Variants in DOCK2 observed in about 807,000 individuals in gnomAD.
DOCK2 encodes dedicator of cytokinesis protein 2.
DOCK2 carries 87 observed loss-of-function variants against 248.9 expected under a neutral mutation model. That is an observed-to-expected ratio of 0.35 (90% CI 0.29 to 0.42). The LOEUF (loss-of-function observed/expected upper bound fraction) is 0.42, where lower values mean the gene tolerates loss of function less well. Ranked by LOEUF, DOCK2 falls within the 10% of genes least tolerant of loss-of-function variation. The pLI is 1.00. For missense variants in DOCK2, 1,747 were observed against 2,300.2 expected (o/e 0.76, Z 4.92); for synonymous variants, 805 against 821.6 (o/e 0.98, Z 0.35).
intron 2 of DOCK2, among the ~76,000 whole-genome samples, chr5:169,664,616 G>A (rs1580996791): frequency 6.6e-6 from 1 of 152,188 alleles, no homozygotes; most frequent in African/African-American, 2.4e-5. Context: ...AGGTGAAGGG[G>A]GAAGCAGGCA....
At chr5:169,748,998 G>C (rs1763762916) in intron 23 of DOCK2, among the ~76,000 whole-genome samples, 1 of 152,228 alleles carries the variant, frequency 6.6e-6, no homozygotes, top group Non-Finnish European at 1.5e-5. Flanking sequence ...AAAAGCCAAA[G>C]CTCCTTCTCC....
chr5:169,969,872 T>C (rs1302637886), intron 27 of DOCK2, among the ~76,000 whole-genome samples: 1 of 152,276 alleles, frequency 6.6e-6, no homozygotes, highest in Non-Finnish European at 1.5e-5. Context: ...CTGGGATTGC[T>C]GGATCTTCCA....
intron 26 of DOCK2, among the ~76,000 whole-genome samples, chr5:169,825,826 A>G (rs1768814764): frequency 6.9e-6 from 1 of 144,074 alleles, no homozygotes. Flanking sequence ...GCATAACATT[A>G]AAAAAAAAAG....
intron 19 of DOCK2, among the ~76,000 whole-genome samples, chr5:169,715,719 C>T (rs1245917008): frequency 1.3e-5 from 2 of 151,940 alleles, no homozygotes; most frequent in East Asian, 3.9e-4. Flanking sequence ...CATGTGTACT[C>T]ACCACCCAGA....
At chr5:169,992,896 G>A (rs1373666089) in intron 29 of DOCK2, among the ~76,000 whole-genome samples, 1 of 152,190 alleles carries the variant, frequency 6.6e-6, no homozygotes, top group Non-Finnish European at 1.5e-5. Context: ...TCTAGAGAAA[G>A]GGAGGAACTT....
At chr5:169,892,776 A>G (rs1773371251) in intron 27 of DOCK2, among the ~76,000 whole-genome samples, 1 of 152,228 alleles carries the variant, frequency 6.6e-6, no homozygotes, top group African/African-American at 2.4e-5. Context: ...AGGACAGTAG[A>G]GTGAACATAA....
chr5:169,851,869 T>A (rs1342628658), intron 27 of DOCK2, among the ~76,000 whole-genome samples: 1 of 152,120 alleles, frequency 6.6e-6, no homozygotes, highest in Non-Finnish European at 1.5e-5. Context: ...ACTACCCCCA[T>A]GATCCAATCA....
chr5:170,055,559 C>T (rs1245008430), intron 42 of DOCK2, among the ~76,000 whole-genome samples, 173 bp downstream of exon 42: 1 of 152,244 alleles, frequency 6.6e-6, no homozygotes, highest in African/African-American at 2.4e-5. Flanking sequence ...TAGCTGGGCT[C>T]TGCCCCTGAC....
chr5:169,683,393 C>G (rs1004295132), intron 7 of DOCK2, among the ~76,000 whole-genome samples: 2 of 89,548 alleles, frequency 2.2e-5, no homozygotes, highest in African/African-American at 9.5e-5. Flanking sequence ...ACATGCCTGG[C>G]TAATTTTTTT....
At chr5:169,813,229 C>A (rs1466765492) in intron 26 of DOCK2, among the ~76,000 whole-genome samples, 1 of 152,154 alleles carries the variant, frequency 6.6e-6, no homozygotes, top group Non-Finnish European at 1.5e-5. Flanking sequence ...TGTTATAAAT[C>A]TATAATTAAA....
rs540489555 is a variant in DOCK2 at position 169,708,525 on chromosome 5, A to G, written c.1482+258A>G. On this transcript the variant is annotated intron_variant, in intron 15 of 51. Coordinates refer to ENST00000520908, the MANE Select transcript of DOCK2 (RefSeq NM_004946.3). Reference sequence around the variant, plus strand: ...GCTCTGGGTCTGTGCTCATCCCCGCAAGCTGAGGGAGCAGAATACTGACTG... The same window carrying G: ...GCTCTGGGTCTGTGCTCATCCCCGCGAGCTGAGGGAGCAGAATACTGACTG... 1.1e-4 allele frequency among the ~76,000 whole-genome samples: 17 copies of G among 151,734 alleles called. No homozygotes were observed. The East Asian group carries it at 3.3e-3, about 29-fold the overall frequency.
chr5:169,673,890 G>A (rs759077582), intron 5 of DOCK2, among the ~76,000 whole-genome samples: 1 of 152,132 alleles, frequency 6.6e-6, no homozygotes, highest in African/African-American at 2.4e-5. Context: ...GGTGGTACGC[G>A]TGCCACACTT....
chr5:170,069,555 C>G (rs1402387961), intron 46 of DOCK2, among the ~76,000 whole-genome samples: 8 of 152,178 alleles, frequency 5.3e-5, no homozygotes, highest in Admixed American at 5.2e-4. Context: ...CAAACCAGCA[C>G]CTTCCCCCGA....
intron 10 of DOCK2, among the ~76,000 whole-genome samples, chr5:169,697,195 T>C (rs764792133): frequency 9.2e-5 from 14 of 152,316 alleles, no homozygotes; most frequent in Non-Finnish European, 1.6e-4. Context: ...GCTTCAGGCA[T>C]AGCTGGATCC....
rs76916142 is a variant in DOCK2 at position 170,038,941 on chromosome 5, A to G, written c.3666-2114A>G. Among the ~76,000 whole-genome samples the G allele has an allele frequency of 2.4e-3, 371 of 152,342 alleles. 1 individual carries two copies. The highest frequency in any genetic ancestry group is 8.4e-3 in the African/African-American group (349 of 41,574). ...AGGCAGAATTAAGCCATGTGTGCAC[A>G]CACAGGTGTTTCTAAATTCCAAACT... On this transcript the variant is annotated intron_variant, in intron 36 of 51. Transcript: ENST00000520908.
intron 2 of DOCK2, among the ~76,000 whole-genome samples, chr5:169,660,760 T>C (rs1758401567): frequency 1.3e-5 from 2 of 152,326 alleles, no homozygotes; most frequent in Middle Eastern, 3.4e-3. Flanking sequence ...AAGGTGATAG[T>C]CTTTTGTTCA....
chr5:169,978,490 CATGATG>C (rs915634026), intron 27 of DOCK2, among the ~76,000 whole-genome samples: 2 of 149,738 alleles, frequency 1.3e-5, no homozygotes, highest in African/African-American at 2.5e-5. Context: ...TTGTCAATAT[CATGATG>C]ATGATGATGA....
At chr5:169,796,992 C>T (rs1316844811) in intron 25 of DOCK2, among the ~76,000 whole-genome samples, 3 of 152,204 alleles carry the variant, frequency 2.0e-5, no homozygotes, top group East Asian at 1.9e-4. Flanking sequence ...TGAAGAATTT[C>T]CTGACCACAA....
chr5:169,826,776 C>G (rs919014978), intron 26 of DOCK2, among the ~76,000 whole-genome samples: 8 of 152,246 alleles, frequency 5.3e-5, no homozygotes, highest in African/African-American at 1.9e-4. Flanking sequence ...AACTATGTTG[C>G]ATGTTTCTCC....
Sources: gnomAD v4.1 joint callset for allele counts (sites outside exome capture counted in the v4.1 genomes callset) on GRCh38, gnomAD v4.1.1 for gene constraint, MANE v1.5 for transcripts, NCBI Gene and HGNC (gene_info 2026-07-23, HGNC 2026-07-21) for gene names.